Variants in SYT14 observed in about 807,000 individuals in gnomAD.
SYT14 encodes the protein synaptotagmin 14.
In SYT14, 32 loss-of-function variants were observed where a neutral mutation model predicts 74.2. The observed-to-expected ratio is 0.43, with a 90% CI of 0.33 to 0.58. SYT14 has a LOEUF of 0.58. SYT14 is among the 20% of genes least tolerant of loss of function. SYT14 has a pLI of 0.05. For synonymous variants in SYT14, 298 were observed against 337.7 expected (o/e 0.88, Z 1.29); for missense variants, 791 against 981.8 (o/e 0.81, Z 2.60).
intron 5 of SYT14, among the ~76,000 whole-genome samples, chr1:210,093,135 C>G (rs2081906863): frequency 6.6e-6 from 1 of 151,300 alleles, no homozygotes; most frequent in African/African-American, 2.4e-5. Flanking sequence ...AAAATTGGGG[C>G]CTCTGAGCAA....
intron 1 of SYT14, among the ~76,000 whole-genome samples, chr1:209,939,174 A>G (rs2078688117): frequency 6.6e-6 from 1 of 152,160 alleles, no homozygotes; most frequent in African/African-American, 2.4e-5. Flanking sequence ...CACGTCTAGG[A>G]TATTTATGTG....
At chr1:210,040,953 A>G (rs947923559) in intron 5 of SYT14, among the ~76,000 whole-genome samples, 3 of 152,142 alleles carry the variant, frequency 2.0e-5, no homozygotes, top group Non-Finnish European at 4.4e-5. Flanking sequence ...CTGTTCTTCT[A>G]CGGGAGTGGC....
chr1:209,996,178 A>G (rs926441291), intron 2 of SYT14, among the ~76,000 whole-genome samples: 4 of 152,168 alleles, frequency 2.6e-5, no homozygotes, highest in Admixed American at 2.6e-4. Flanking sequence ...CAAAAGATCA[A>G]TGAAATCAAG....
rs1273403062 is a variant in SYT14, at chr1:209,953,325, ACCTTGGGAGT to A, written c.-486+572_-486+581del. 4 of 1,101,570 alleles carry A rather than the reference ACCTTGGGAGT, an allele frequency of 3.6e-6. No homozygotes were observed. The East Asian group carries it at 2.3e-4, about 65-fold the overall frequency. 68.2% of individuals were successfully genotyped at this position (1,101,570 alleles called of 1,614,324 possible). A position where few individuals can be genotyped will look rare whatever the true frequency, so the allele number is the denominator to read the frequency against. On this transcript the variant is annotated intron_variant, in intron 2 of 9. Transcript: ENST00000637265. The stretch of plus-strand genomic sequence containing the variant: ...CTCTAGATTTGGAAGAATCAGGAGA[ACCTTGGGAGT>A]CCCCACAACTCCTTATAAGTAATCA...
intron 7 of SYT14, among the ~76,000 whole-genome samples, chr1:210,154,671 AT>A (rs1230191614): frequency 6.6e-6 from 1 of 152,004 alleles, no homozygotes. Context: ...TTTTATTATC[AT>A]TTAGTTACCT....
intron 5 of SYT14, among the ~76,000 whole-genome samples, chr1:210,056,942 T>G (rs760325570): frequency 5.9e-5 from 9 of 151,890 alleles, no homozygotes; most frequent in Non-Finnish European, 8.8e-5. Flanking sequence ...CCTCCCAGGC[T>G]CAAGCAATTC....
intron 7 of SYT14, among the ~76,000 whole-genome samples, chr1:210,153,687 T>C (rs1403962306): frequency 3.9e-5 from 6 of 152,196 alleles, no homozygotes; most frequent in Non-Finnish European, 5.9e-5. Context: ...ACATAAGGGC[T>C]TTTTAAAAAA....
chr1:209,947,359 A>G (rs546232700), intron 1 of SYT14, among the ~76,000 whole-genome samples: 27 of 152,334 alleles, frequency 1.8e-4, no homozygotes, highest in African/African-American at 6.3e-4. Flanking sequence ...GCCATTAAGA[A>G]CATTTGTGAT....
At chr1:210,126,768 C>T (rs530064198) in intron 7 of SYT14, among the ~76,000 whole-genome samples, 1 of 152,172 alleles carries the variant, frequency 6.6e-6, no homozygotes, top group Non-Finnish European at 1.5e-5. Flanking sequence ...GCTGAATTCT[C>T]TCTTTGTGGA....
chr1:210,006,040 G>A (rs1047595316), intron 2 of SYT14, among the ~76,000 whole-genome samples: 18 of 151,856 alleles, frequency 1.2e-4, no homozygotes, highest in Admixed American at 5.2e-4. Flanking sequence ...ACCTGTCCAG[G>A]TAGGTAACTG....
At position 210,039,841 on chromosome 1, in the gene SYT14, C is replaced by T. The variant is rs543566070; in HGVS notation, c.1312+18587C>T. Among the ~76,000 whole-genome samples, 227 of 152,174 alleles carry T rather than the reference C, an allele frequency of 1.5e-3. 3 individuals carry two copies. The highest frequency in any genetic ancestry group is 2.9e-3 in the South Asian group (14 of 4,818). On this transcript the variant is annotated intron_variant, in intron 5 of 9. Transcript: ENST00000637265. ...AAAACCACAATGAGATACCATTTCACGCCAGTTAGAATGGTGATCATTGAA... is the reference window on the plus strand; with the variant it reads ...AAAACCACAATGAGATACCATTTCATGCCAGTTAGAATGGTGATCATTGAA...
At chr1:210,152,566 A>G (rs1361036463) in intron 7 of SYT14, among the ~76,000 whole-genome samples, 1 of 152,064 alleles carries the variant, frequency 6.6e-6, no homozygotes, top group Non-Finnish European at 1.5e-5. Context: ...TCTTTCTTGC[A>G]AAACCCAACA....
intron 4 of SYT14, among the ~76,000 whole-genome samples, chr1:210,019,036 T>C (rs538627687): frequency 1.4e-5 from 2 of 139,978 alleles, no homozygotes; most frequent in African/African-American, 2.7e-5. Context: ...CTTGGGAGGC[T>C]GAGGCAGGAG....
rs141626974 is a variant in SYT14, at chr1:210,160,898, A to G, written c.2451A>G (p.Lys817=). Residue 817 remains lysine, a synonymous_variant, in exon 10 of 10, where the codon AAA becomes AAG. Coordinates refer to ENST00000637265, the Ensembl canonical transcript of SYT14. The stretch of plus-strand genomic sequence containing the variant: ...CACTCATACTGTCTGTGTATAACAA[A>G]CGCAGCATGAAAAGAAAAGAGATGA... The G allele has an allele frequency of 9.9e-6, 16 of 1,613,906 alleles. No individual in the cohort carries two copies. The African/African-American group carries it at 2.0e-4, about 20-fold the overall frequency.
chr1:209,996,162 T>G (rs2079786496), intron 2 of SYT14, among the ~76,000 whole-genome samples: 1 of 151,854 alleles, frequency 6.6e-6, no homozygotes, highest in African/African-American at 2.4e-5. Flanking sequence ...GCTACAATAA[T>G]CCATACAAAA....
rs2102931068 is a variant in SYT14, at chr1:210,016,034, CT to C, written c.32del (p.Leu11ArgfsTer7). The C allele has an allele frequency of 2.4e-6, 3 of 1,232,064 alleles. No homozygotes were observed. The South Asian group carries it at 1.2e-4, about 51-fold the overall frequency. The allele number at this position is 1,232,064 out of a possible 1,614,324, so 76.3% of individuals were successfully genotyped here. The stretch of plus-strand genomic sequence containing the variant: ...ATTTTTCAGAAATTTCCAACAGAAT[CT>C]GCCTTCAGTGTCCTCTCTAGTAGAC... On this transcript the variant is annotated frameshift_variant, in exon 4 of 10. Transcript: ENST00000637265. LOFTEE classifies it high-confidence loss of function.
chr1:210,137,547 C>T (rs1050482864), intron 7 of SYT14, among the ~76,000 whole-genome samples: 1 of 151,512 alleles, frequency 6.6e-6, no homozygotes, highest in Non-Finnish European at 1.5e-5. Flanking sequence ...TTAAAACTTT[C>T]AGAAAGATAT....
At chr1:210,112,811 G>A (rs1347572247) in intron 7 of SYT14, among the ~76,000 whole-genome samples, 1 of 151,322 alleles carries the variant, frequency 6.6e-6, no homozygotes, top group African/African-American at 2.5e-5. Flanking sequence ...GCATGGTGGT[G>A]CAGGATATGG....
chr1:210,147,959 T>C (rs184380165), intron 7 of SYT14, among the ~76,000 whole-genome samples: 8 of 151,860 alleles, frequency 5.3e-5, no homozygotes, highest in Admixed American at 6.5e-5. Flanking sequence ...GTTCAGGGAG[T>C]AGCAAGGAAG....
Sources: gnomAD v4.1 joint callset for allele counts (sites outside exome capture counted in the v4.1 genomes callset) on GRCh38, gnomAD v4.1.1 for gene constraint, MANE v1.5 for transcripts, NCBI Gene and HGNC (gene_info 2026-07-23, HGNC 2026-07-21) for gene names.